INTS3: variants seen among roughly 807,000 people sequenced by gnomAD.
INTS3 encodes the protein SOSS complex subunit A.
In INTS3, 34 loss-of-function variants were observed where a neutral mutation model predicts 146.3. The ratio of observed to expected loss-of-function variants is 0.23; its 90% CI spans 0.18 to 0.31. The LOEUF (loss-of-function observed/expected upper bound fraction) is 0.31. Among genes scored for constraint, INTS3 ranks in the 10% least tolerant of loss-of-function variants. INTS3 has a pLI of 1.00. For synonymous variants in INTS3, 475 were observed against 494.9 expected, an observed-to-expected ratio of 0.96 and a Z score of 0.53; for missense variants, 757 against 1,304.2, an observed-to-expected ratio of 0.58 and a Z score of 6.46.
At chr1:153,764,571 C>T in intron 18 of INTS3, 119 bp from the exon 19 acceptor site, 9 of 810,136 alleles carry the variant, frequency 1.1e-5, no homozygotes, top group Admixed American at 3.4e-5. Flanking sequence ...TGCGGAGCAG[C>T]AGGAAGTTTG....
chr1:153,764,950 A>C lies in INTS3; in HGVS notation c.1977A>C (p.Leu659=). 6.2e-7 allele frequency: 1 copy of C among 1,614,108 alleles called. No individual in the cohort carries two copies. Among genetic ancestry groups the C allele is most frequent in the Non-Finnish European group, 8.5e-7 (1 of 1,179,982 alleles). ...GKPLYLIFRN[L]CQMQEDNSSF... ...TCCCATGCCCCACCTCCAGGAACCTATGTCAGATGCAGGAAGACAACAGCA... is the reference window on the plus strand; with the variant it reads ...TCCCATGCCCCACCTCCAGGAACCTCTGTCAGATGCAGGAAGACAACAGCA... The change falls in exon 20 of 30, where the codon CTA becomes CTC. Residue 659 remains leucine (L), a synonymous_variant. Transcript: ENST00000318967.
chr1:153,760,845 C>T lies in INTS3; in HGVS notation c.1336C>T (p.Pro446Ser), dbSNP rs1371785853. ...FMCRIIPNFY[P>S]PLEGHVRQGV... The stretch of plus-strand genomic sequence containing the variant: ...CTTCCAGATCATTCCCAACTTCTAT[C>T]CACCATTGGAGGGCCACGTGCGGCA... The change falls in exon 13 of 30, where the codon CCA becomes TCA. Residue 446 changes from proline to serine, a missense_variant. By Grantham distance (74) the Pro-to-Ser change is moderately conservative (BLOSUM62 -1). Coordinates refer to ENST00000318967, the MANE Select transcript of INTS3 (RefSeq NM_023015.5). The T allele has an allele frequency of 6.2e-7, 1 of 1,613,828 alleles. No homozygotes were observed. The highest frequency in any genetic ancestry group is 8.5e-7 in the Non-Finnish European group (1 of 1,179,810).
At chr1:153,755,580 T>C (rs1451898887) in intron 9 of INTS3, among the ~76,000 whole-genome samples, 2 of 152,126 alleles carry the variant, frequency 1.3e-5, no homozygotes, top group African/African-American at 4.8e-5. Flanking sequence ...TTTAGCAGAC[T>C]TCCCAGGCCA....
intron 24 of INTS3, 135 bp downstream of exon 24, chr1:153,770,446 GCTCT>G: frequency 1.4e-6 from 1 of 729,462 alleles, no homozygotes; most frequent in East Asian, 2.5e-5. Flanking sequence ...ACAAGGGCAG[GCTCT>G]CTGTCAGCCA....
At position 153,757,446 on chromosome 1, in the gene INTS3, C is replaced by T; in HGVS notation, c.958-126C>T. 1.4e-6 allele frequency: 1 copy of T among 722,678 alleles called. No individual in the cohort carries two copies. Among genetic ancestry groups the T allele is most frequent in the South Asian group, 1.9e-5 (1 of 52,008 alleles). The allele number at this position is 722,678 out of a possible 1,614,324, so 44.8% of individuals were successfully genotyped here. A position where few individuals can be genotyped will look rare whatever the true frequency, so the allele number is the denominator to read the frequency against. The stretch of plus-strand genomic sequence containing the variant: ...GGGGAGACTTACGAGACAGTATGAG[C>T]TAATGAATGAATTGTGGAGAAATAG... On this transcript the variant is annotated intron_variant, in intron 9 of 29. Coordinates refer to ENST00000318967, the MANE Select transcript of INTS3 (RefSeq NM_023015.5). The surrounding 1 kb of genome is among the most constrained non-coding windows in gnomAD (Gnocchi z 4.0).
chr1:153,728,578 A>T lies in INTS3; in HGVS notation c.-57A>T. ...TCCCTGGCAATCCAGAGATCCCGAT[A>T]TCTAGGACTGTCCATCCATCCACTC... On this transcript the variant is annotated 5_prime_UTR_variant, in exon 1 of 30. Transcript: ENST00000318967. The T allele has an allele frequency of 6.4e-7, 1 of 1,550,802 alleles. No homozygotes were observed. Among genetic ancestry groups the T allele is most frequent in the Non-Finnish European group, 8.7e-7 (1 of 1,153,858 alleles).
At position 153,733,288 on chromosome 1, in the gene INTS3, C is replaced by G. The variant is rs530130210; in HGVS notation, c.150+4504C>G. ...AGTGTAGTGGTGCGATCTCGGCTCA[C>G]TGCAACCTCCGCCCCCTGGGTTCAA... is the stretch of plus-strand genomic sequence containing the variant. On this transcript the variant is annotated intron_variant, in intron 1 of 29. Coordinates refer to ENST00000318967, the MANE Select transcript of INTS3 (RefSeq NM_023015.5). 1.5e-4 allele frequency among the ~76,000 whole-genome samples: 20 copies of G among 134,660 alleles called. No individual in the cohort carries two copies. In the South Asian group the frequency reaches 4.8e-3, roughly 32 times the overall value. The allele number at this position is 134,660 out of a possible 152,430, so 88.3% of individuals were successfully genotyped here. A position where few individuals can be genotyped will look rare whatever the true frequency, so the allele number is the denominator to read the frequency against.
intron 1 of INTS3, among the ~76,000 whole-genome samples, chr1:153,732,422 T>A (rs1671103846): frequency 6.6e-6 from 1 of 151,966 alleles, no homozygotes; most frequent in East Asian, 1.9e-4. Flanking sequence ...GTTCAATAAC[T>A]CCTCACCTAC....
intron 1 of INTS3, among the ~76,000 whole-genome samples, chr1:153,739,368 G>GTCCCTTTTAT (rs1671429898): frequency 6.8e-6 from 1 of 147,326 alleles, no homozygotes; most frequent in Non-Finnish European, 1.5e-5. Flanking sequence ...CCCGGCCGGA[G>GTCCCTTTTAT]TTTCACTCTT....
rs1671941700 is a variant in INTS3 at position 153,751,091 on chromosome 1, G to T, written c.585-4G>T. 1 of 1,613,998 alleles carries T rather than the reference G, an allele frequency of 6.2e-7. No homozygotes were observed. Among genetic ancestry groups the T allele is most frequent in the Non-Finnish European group, 8.5e-7 (1 of 1,179,910 alleles). On this transcript the variant is annotated splice_polypyrimidine_tract_variant and splice_region_variant and intron_variant, in intron 6 of 29. Transcript: ENST00000318967. The stretch of plus-strand genomic sequence containing the variant: ...ATAGGAGCCAGTGTGTTTCCTCCCT[G>T]CAGGGAGTGGGTCCTGAAGAGCAGC...
chr1:153,768,911 A>G lies in INTS3; in HGVS notation c.2263A>G (p.Arg755Gly). ...CATTTAGTTTCCAGATGAAACCTTG[A>G]GGAGCGGAGAGCTGCTGAACATGAT... is the stretch of plus-strand genomic sequence containing the variant. The part of the protein sequence containing the change: ...IYTEFPDETL[R>G]SGELLNMIVA... The change falls in exon 22 of 30, where the codon AGG becomes GGG. Residue 755 changes from arginine to glycine, a missense_variant. Physicochemically the swap from Arg to Gly is moderately radical, Grantham distance 125. Around this residue, in one of 8 missense-constraint regions of INTS3, gnomAD observed 116 missense variants for 226.5 expected, o/e 0.51. Coordinates refer to ENST00000318967, the MANE Select transcript of INTS3 (RefSeq NM_023015.5). 6.2e-7 allele frequency: 1 copy of G among 1,613,954 alleles called. No individual in the cohort carries two copies. The highest frequency in any genetic ancestry group is 8.5e-7 in the Non-Finnish European group (1 of 1,179,906).
chr1:153,733,875 C>T (rs570681079), intron 1 of INTS3, among the ~76,000 whole-genome samples: 2 of 150,944 alleles, frequency 1.3e-5, no homozygotes, highest in Non-Finnish European at 3.0e-5. Context: ...AGTGTTGGGA[C>T]TACAGGCGTG....
At position 153,728,464 on chromosome 1, in the gene INTS3, G is replaced by A; in HGVS notation, c.-171G>A. ...AGAGGACTGTGCCTTCGCCCCCAAC[G>A]CAGGCGCGGCCTTTTGGAGAGGAGG... On this transcript the variant is annotated 5_prime_UTR_variant, in exon 1 of 30. Coordinates refer to ENST00000318967, the MANE Select transcript of INTS3 (RefSeq NM_023015.5). The A allele has an allele frequency of 1.3e-6, 1 of 750,520 alleles. No individual in the cohort carries two copies. The highest frequency in any genetic ancestry group is 4.1e-4 in the Middle Eastern group (1 of 2,466). 46.5% of individuals were successfully genotyped at this position (750,520 alleles called of 1,614,324 possible). A position where few individuals can be genotyped will look rare whatever the true frequency, so the allele number is the denominator to read the frequency against.
intron 8 of INTS3, among the ~76,000 whole-genome samples, chr1:153,754,075 A>C (rs1394940701): frequency 6.6e-6 from 1 of 151,396 alleles, no homozygotes; most frequent in Non-Finnish European, 1.5e-5. Context: ...TGCTAGGATT[A>C]CAGGTGTGAG....
At position 153,774,644 on chromosome 1, in the gene INTS3, GCTC is replaced by G. The variant is rs755650185; in HGVS notation, c.*1378_*1380del. On this transcript the variant is annotated 3_prime_UTR_variant, in exon 30 of 30. Transcript: ENST00000318967. ...AAGTTTGGGCGAACTGCACAGAGCT[GCTC>G]CTCTTCACCCCGAAAATTTGTCTTT... 40 of 174,016 alleles carry G rather than the reference GCTC, an allele frequency of 2.3e-4. No individual in the cohort carries two copies. Among genetic ancestry groups the G allele is most frequent in the South Asian group, 5.6e-4 (5 of 8,960 alleles). The allele number at this position is 174,016 out of a possible 1,614,324, so 10.8% of individuals were successfully genotyped here.
At chr1:153,740,825 T>C (rs1468587668) in intron 2 of INTS3, 91 bp downstream of exon 2, 4 of 1,028,262 alleles carry the variant, frequency 3.9e-6, no homozygotes. Context: ...TGGTTGGGGG[T>C]AGGGGACTGA....
At chr1:153,771,549 G>C (rs1672869064) in intron 25 of INTS3, among the ~76,000 whole-genome samples, 1 of 152,026 alleles carries the variant, frequency 6.6e-6, no homozygotes, top group Non-Finnish European at 1.5e-5. Flanking sequence ...GAGAACTGAG[G>C]GTCCTCCTTC....
Position 153,752,402 on chromosome 1 carries a change from T to C in INTS3, c.853T>C (p.Phe285Leu). Residue 285 changes from phenylalanine to leucine, a missense_variant, in exon 8 of 30, where the codon TTC (phenylalanine) becomes CTC (leucine). Physicochemically the swap from Phe to Leu is conservative, Grantham distance 22 (BLOSUM62 0). Coordinates refer to ENST00000318967, the MANE Select transcript of INTS3 (RefSeq NM_023015.5). Reference sequence around the variant, plus strand: ...TAATCCTCAGGCCTTGAGTCCTCAGTTCACAGGTAAGTAGGGTCTTAGGCA... The same window carrying C: ...TAATCCTCAGGCCTTGAGTCCTCAGCTCACAGGTAAGTAGGGTCTTAGGCA... The part of the protein sequence containing the change: ...IHNPQALSPQ[F>L]TGILQLLQSR... 6.2e-7 allele frequency: 1 copy of C among 1,610,902 alleles called. No homozygotes were observed. The highest frequency in any genetic ancestry group is 8.5e-7 in the Non-Finnish European group (1 of 1,178,856).
Position 153,757,519 on chromosome 1 carries a change from C to A in INTS3, c.958-53C>A. 1.3e-6 allele frequency: 2 copies of A among 1,534,900 alleles called. No individual in the cohort carries two copies. Among genetic ancestry groups the A allele is most frequent in the Non-Finnish European group, 9.0e-7 (1 of 1,115,926 alleles). ...TAAGTGGTGCTCGTTTTCCTCTGGCCAAGGACCCCACACTGTCTTCTAAGG... is the reference window on the plus strand; with the variant it reads ...TAAGTGGTGCTCGTTTTCCTCTGGCAAAGGACCCCACACTGTCTTCTAAGG... On this transcript the variant is annotated intron_variant, in intron 9 of 29. Transcript: ENST00000318967. The surrounding 1 kb of genome is among the most constrained non-coding windows in gnomAD (Gnocchi z 4.0).
Sources: allele counts gnomAD v4.1 joint callset (sites outside exome capture counted in the v4.1 genomes callset), GRCh38; gene constraint gnomAD v4.1.1; regional missense constraint gnomAD v4.1.1; non-coding constraint Gnocchi (gnomAD v3.1); transcripts MANE v1.5; gene names NCBI Gene and HGNC (gene_info 2026-07-23, HGNC 2026-07-21).